SHROOM4: variants seen among roughly 807,000 people sequenced by gnomAD.
The protein encoded by SHROOM4 is shroom family member 4.
In SHROOM4, 17 loss-of-function variants were observed where a neutral mutation model predicts 80.3. The observed-to-expected ratio is 0.21, with a 90% CI of 0.14 to 0.32. The LOEUF is 0.32. Ranked by LOEUF, SHROOM4 falls within the 10% of genes least tolerant of loss-of-function variation. SHROOM4 has a pLI of 1.00. For missense variants in SHROOM4, 993 were observed against 1,140.3 expected (o/e 0.87, Z 1.86); for synonymous variants, 400 against 437.5 (o/e 0.91, Z 1.07).
At chrX:50,706,709 G>A (rs1189176869) in intron 1 of SHROOM4, among the ~76,000 whole-genome samples, 3 of 111,732 alleles carry the variant, frequency 2.7e-5, no homozygotes, top group African/African-American at 9.8e-5. Context: ...TCTTGCTAAA[G>A]AGACACTTTA....
intron 6 of SHROOM4, among the ~76,000 whole-genome samples, chrX:50,605,347 T>A (rs1929619170): frequency 8.9e-6 from 1 of 112,213 alleles, no homozygotes; most frequent in Admixed American, 9.4e-5. Context: ...ATCAAAAAAA[T>A]TAGCTATTTT....
chrX:50,780,569 A>C (rs956220677), intron 1 of SHROOM4, among the ~76,000 whole-genome samples: 1 of 111,928 alleles, frequency 8.9e-6, no homozygotes, highest in Non-Finnish European at 1.9e-5. Context: ...TAATTGGCAC[A>C]AAAGCACTAT....
chrX:50,811,251 G>C (rs1282686814), intron 1 of SHROOM4, among the ~76,000 whole-genome samples: 1 of 110,793 alleles, frequency 9.0e-6, no homozygotes, highest in Non-Finnish European at 1.9e-5. Context: ...AGGATGCAGT[G>C]AGCCGAGCTG....
chrX:50,577,597 G>C, the SHROOM4 span, among the ~76,000 whole-genome samples: 1 of 112,134 alleles, frequency 8.9e-6, no homozygotes, highest in Non-Finnish European at 1.9e-5. Flanking sequence ...GAAATAGAGG[G>C]TAGTTGGAAG....
chrX:50,714,390 A>G (rs1337241039), intron 1 of SHROOM4, among the ~76,000 whole-genome samples: 2 of 111,142 alleles, frequency 1.8e-5, no homozygotes, highest in Non-Finnish European at 3.8e-5. Context: ...ACAATGGACA[A>G]TATATTGTAT....
At chrX:50,611,144 C>CTTTTTTTTTTTTTTTTT (rs782473243) in intron 5 of SHROOM4, among the ~76,000 whole-genome samples, 6 of 68,209 alleles carry the variant, frequency 8.8e-5, no homozygotes, top group South Asian at 9.5e-4. Flanking sequence ...TTCTTTTTTT[C>CTTTTTTTTTTTTTTTTT]TTTTTTTTTT....
the SHROOM4 span, among the ~76,000 whole-genome samples, chrX:50,575,568 G>A: frequency 2.4e-4 from 26 of 110,063 alleles, no homozygotes; most frequent in Admixed American, 6.8e-4. Context: ...GTGTTATTGC[G>A]CCAGGTAAGA....
intron 2 of SHROOM4, among the ~76,000 whole-genome samples, chrX:50,673,799 G>C (rs1932823634): frequency 9.1e-6 from 1 of 109,722 alleles, no homozygotes; most frequent in Non-Finnish European, 1.9e-5. Flanking sequence ...ATTTGGAAAG[G>C]ATAAAATAAA....
chrX:50,814,049 C>T lies in SHROOM4; in HGVS notation c.-31G>A. 1.8e-6 allele frequency: 2 copies of T among 1,081,660 alleles called. No homozygotes were observed. The highest frequency in any genetic ancestry group is 2.6e-6 in the Non-Finnish European group (2 of 780,796). 89.1% of individuals were successfully genotyped at this position (1,081,660 alleles called of 1,213,427 possible). On this transcript the variant is annotated 5_prime_UTR_variant, in exon 1 of 9. Transcript: ENST00000376020. The stretch of plus-strand genomic sequence containing the variant: ...GCTGGGCTCAGGCGCCGCCGGGCTC[C>T]TTTTCCGAGGGGGCTACGTTGCCTC...
intron 5 of SHROOM4, among the ~76,000 whole-genome samples, chrX:50,619,763 T>C (rs1023217611): frequency 5.4e-5 from 6 of 111,597 alleles, no homozygotes; most frequent in African/African-American, 2.0e-4. Context: ...TCTTTGTGAA[T>C]AATAGCACTG....
At chrX:50,703,931 T>C (rs1933585956) in intron 1 of SHROOM4, among the ~76,000 whole-genome samples, 1 of 111,993 alleles carries the variant, frequency 8.9e-6, no homozygotes, top group Non-Finnish European at 1.9e-5. Context: ...TCAGAGAACC[T>C]TGCAAAGCTG....
chrX:50,644,522 C>T (rs1427353349), intron 2 of SHROOM4, among the ~76,000 whole-genome samples: 1 of 111,929 alleles, frequency 8.9e-6, no homozygotes, highest in Non-Finnish European at 1.9e-5. Flanking sequence ...GGCTCAGGCA[C>T]CAGGATTTAA....
chrX:50,615,773 G>A (rs1216683866), intron 5 of SHROOM4, among the ~76,000 whole-genome samples: 1 of 111,330 alleles, frequency 9.0e-6, no homozygotes, highest in East Asian at 2.8e-4. Flanking sequence ...ATCTGATTGG[G>A]GTTTGTGTGT....
At chrX:50,620,637 C>T (rs1260797755) in intron 5 of SHROOM4, among the ~76,000 whole-genome samples, 2 of 111,887 alleles carry the variant, frequency 1.8e-5, no homozygotes, top group African/African-American at 6.5e-5. Context: ...AAGCACGTTT[C>T]CTCACAGCCT....
chrX:50,727,658 C>G (rs902718484), intron 1 of SHROOM4, among the ~76,000 whole-genome samples: 3 of 112,240 alleles, frequency 2.7e-5, no homozygotes, highest in African/African-American at 9.7e-5. Context: ...TTCCCTTCAC[C>G]TTCTAGATGA....
intron 2 of SHROOM4, among the ~76,000 whole-genome samples, chrX:50,652,959 G>C (rs1214800278): frequency 4.5e-5 from 5 of 111,177 alleles, no homozygotes; most frequent in African/African-American, 1.3e-4. Flanking sequence ...ATGTTGTTTT[G>C]GCTACTGTAG....
chrX:50,814,155 G>C lies in SHROOM4; in HGVS notation c.-137C>G. Reference sequence around the variant, plus strand: ...CCTGCTCCGCCTACTCTCCCGGCTGGAGACGCTCAGGCAGCGAGCGAGCGC... The same window carrying C: ...CCTGCTCCGCCTACTCTCCCGGCTGCAGACGCTCAGGCAGCGAGCGAGCGC... On this transcript the variant is annotated 5_prime_UTR_variant, in exon 1 of 9. Coordinates refer to ENST00000376020, the MANE Select transcript of SHROOM4 (RefSeq NM_020717.5). The C allele has an allele frequency of 2.0e-6, 1 of 494,347 alleles. No individual in the cohort carries two copies. Among genetic ancestry groups the C allele is most frequent in the South Asian group, 2.9e-5 (1 of 34,792 alleles). The allele number at this position is 494,347 out of a possible 1,213,427, so 40.7% of individuals were successfully genotyped here. A position where few individuals can be genotyped will look rare whatever the true frequency, so the allele number is the denominator to read the frequency against.
intron 1 of SHROOM4, among the ~76,000 whole-genome samples, chrX:50,805,999 C>G (rs1307333512): frequency 1.0e-5 from 1 of 100,483 alleles, no homozygotes; most frequent in African/African-American, 3.6e-5. Context: ...AAAGCTGGTA[C>G]AGCAGACTAG....
intron 5 of SHROOM4, among the ~76,000 whole-genome samples, chrX:50,611,722 C>G (rs980209451): frequency 9.1e-6 from 1 of 110,300 alleles, no homozygotes; most frequent in African/African-American, 3.3e-5. Flanking sequence ...GAGTTCCAGA[C>G]GAGGCTGTCC....
Sources: gnomAD v4.1 joint callset for allele counts (sites outside exome capture counted in the v4.1 genomes callset) on GRCh38, gnomAD v4.1.1 for gene constraint, MANE v1.5 for transcripts, NCBI Gene and HGNC (gene_info 2026-07-23, HGNC 2026-07-21) for gene names.